The following GMIP variants were observed in gnomAD, a reference collection of about 807,000 sequenced individuals.
The protein encoded by GMIP is GEM interacting protein.
Under a neutral mutation model 105.3 loss-of-function variants are expected in GMIP, and 54 were observed. That is an observed-to-expected ratio of 0.51 (90% confidence interval 0.41 to 0.64). GMIP has a LOEUF of 0.64. Among genes scored for constraint, GMIP ranks in the 30% least tolerant of loss-of-function variants. The probability of loss-of-function intolerance (pLI) is 0.00; values close to 1 mark genes in which losing one functional copy is unlikely to be tolerated. For missense variants in GMIP, 1,110 were observed against 1,319.4 expected (o/e 0.84, Z 2.46); for synonymous variants, 541 against 560.8 (o/e 0.96, Z 0.50).
chr19:19,641,582 C>T (rs2061919587), intron 4 of GMIP, among the ~76,000 whole-genome samples: 1 of 152,186 alleles, frequency 6.6e-6, no homozygotes, highest in East Asian at 1.9e-4. Flanking sequence ...GGGATGGTGT[C>T]TTACTGTTGC....
At position 19,635,866 on chromosome 19, in the gene GMIP, G is replaced by C; in HGVS notation, c.1328-145C>G. On this transcript the variant is annotated intron_variant, in intron 13 of 20. Transcript: ENST00000203556. The surrounding 1 kb of genome is among the most constrained non-coding windows in gnomAD (Gnocchi z 4.7). Reference sequence around the variant, plus strand: ...GTCAGTGGTTAAGGGTTGGAGAATTGGGTCAGCAACCTGAGGGGGGTGGTT... The same window carrying C: ...GTCAGTGGTTAAGGGTTGGAGAATTCGGTCAGCAACCTGAGGGGGGTGGTT... The C allele has an allele frequency of 1.5e-6, 1 of 689,504 alleles. No homozygotes were observed. 42.7% of individuals were successfully genotyped at this position (689,504 alleles called of 1,614,324 possible). A position where few individuals can be genotyped will look rare whatever the true frequency, so the allele number is the denominator to read the frequency against.
rs1250390798 is a variant in GMIP at position 19,643,614 on chromosome 19, C to A, written c.-85G>T. ...GGGCCGAGCCCCGATTTCCTGCCGC[C>A]GCAGCCGCCGCCGCCGCCTCGGTTC... On this transcript the variant is annotated 5_prime_UTR_variant, in exon 1 of 21. Coordinates refer to ENST00000203556, the MANE Select transcript of GMIP (RefSeq NM_016573.4). 8.1e-6 allele frequency: 10 copies of A among 1,229,120 alleles called. No individual in the cohort carries two copies. The Admixed American group carries it at 2.3e-4, about 28-fold the overall frequency. 76.1% of individuals were successfully genotyped at this position (1,229,120 alleles called of 1,614,324 possible).
At chr19:19,632,975 T>C (rs1477729774) in intron 19 of GMIP, among the ~76,000 whole-genome samples, 1 of 152,028 alleles carries the variant, frequency 6.6e-6, no homozygotes, top group Non-Finnish European at 1.5e-5. Flanking sequence ...GTCTGCTCTC[T>C]AAGACGTGCC....
Position 19,638,236 on chromosome 19 carries a change from A to G in GMIP, c.712T>C (p.Ser238Pro). The part of the protein sequence containing the change: ...RARSQGSPED[S>P]APQASPGPSK... Reference sequence around the variant, plus strand: ...GGTCCCGGCGAGGCCTGGGGGGCCGAGTCCTCAGGGGACCCCTGGGAGCGT... The same window carrying G: ...GGTCCCGGCGAGGCCTGGGGGGCCGGGTCCTCAGGGGACCCCTGGGAGCGT... The change falls in exon 9 of 21, where the codon TCG becomes CCG. Residue 238 changes from serine (S) to proline (P), a missense_variant. By Grantham distance (74) the Ser-to-Pro change is moderately conservative (BLOSUM62 -1). This residue lies in a region of GMIP where 667 missense variants were observed against 773.2 expected (regional missense o/e 0.86). Transcript: ENST00000203556. 6.2e-7 allele frequency: 1 copy of G among 1,601,848 alleles called. No homozygotes were observed. The highest frequency in any genetic ancestry group is 8.5e-7 in the Non-Finnish European group (1 of 1,178,944).
rs927566053 is a variant in GMIP, at chr19:19,637,772, C to T, written c.927+148G>A. ...GGGACAGGACCTCATGGGGCGGAGC[C>T]GAGACAGTGGGTCTGGGGGCGGGAA... is the stretch of plus-strand genomic sequence containing the variant. On this transcript the variant is annotated intron_variant, in intron 10 of 20. Transcript: ENST00000203556. The surrounding 1 kb of genome is among the most constrained non-coding windows in gnomAD (Gnocchi z 6.7). The T allele has an allele frequency of 8.6e-6, 8 of 926,228 alleles. No individual in the cohort carries two copies. The highest frequency in any genetic ancestry group is 1.7e-5 in the African/African-American group (1 of 59,556). The allele number at this position is 926,228 out of a possible 1,614,324, so 57.4% of individuals were successfully genotyped here.
At position 19,630,143 on chromosome 19, in the gene GMIP, C is replaced by T; in HGVS notation, c.2733G>A (p.Arg911=). The T allele has an allele frequency of 6.2e-7, 1 of 1,603,798 alleles. No homozygotes were observed. Among genetic ancestry groups the T allele is most frequent in the South Asian group, 1.1e-5 (1 of 90,086 alleles). Residue 911 remains arginine (R), a synonymous_variant, in exon 21 of 21, where the codon CGG becomes CGA. Coordinates refer to ENST00000203556, the MANE Select transcript of GMIP (RefSeq NM_016573.4). This position sits in a 1 kb window ranked among gnomAD's most constrained non-coding sequence, Gnocchi z 4.8. ...TSVPRGSLRG[R]GPSPAAASPE... is the part of the protein sequence containing the mutation. ...GGGAGGCAGCTGCAGGGCTGGGCCC[C>T]CGCCCCCGCAAACTCCCTCTGGGCA...
At position 19,635,000 on chromosome 19, in the gene GMIP, G is replaced by C. The variant is rs200920765; in HGVS notation, c.1749+25C>G. 6.2e-6 allele frequency: 10 copies of C among 1,613,146 alleles called. No homozygotes were observed. The highest frequency in any genetic ancestry group is 7.6e-6 in the Non-Finnish European group (9 of 1,179,446). On this transcript the variant is annotated intron_variant, in intron 16 of 20. Transcript: ENST00000203556. This position sits in a 1 kb window ranked among gnomAD's most constrained non-coding sequence, Gnocchi z 6.1. ...ATCGATTCGGTCAGGTCACTTCTGG[G>C]GATGATGAAGGGTCAGGGCAGCACC...
At position 19,634,239 on chromosome 19, in the gene GMIP, TG is replaced by T; in HGVS notation, c.2085-50del. 6.6e-7 allele frequency: 1 copy of T among 1,518,060 alleles called. No homozygotes were observed. The highest frequency in any genetic ancestry group is 1.4e-5 in the African/African-American group (1 of 73,170). The allele number at this position is 1,518,060 out of a possible 1,614,324, so 94.0% of individuals were successfully genotyped here. ...GTCAGGGTACAGGATGCAAGCTCAT[TG>T]GTCTGAGGGTAAGGGTGGGACACGC... On this transcript the variant is annotated intron_variant, in intron 18 of 20. Coordinates refer to ENST00000203556, the MANE Select transcript of GMIP (RefSeq NM_016573.4). This position sits in a 1 kb window ranked among gnomAD's most constrained non-coding sequence, Gnocchi z 6.1.
chr19:19,637,537 G>A lies in GMIP; in HGVS notation c.952C>T (p.Arg318Trp), dbSNP rs760986360. The A allele has an allele frequency of 6.5e-7, 1 of 1,532,852 alleles. No homozygotes were observed. Among genetic ancestry groups the A allele is most frequent in the East Asian group, 2.5e-5 (1 of 40,276 alleles). 95.0% of individuals were successfully genotyped at this position (1,532,852 alleles called of 1,614,324 possible). ...GGGCCACGCTCTGCCTGCGCCCCCCGCAGCCCGAAGAGACTCAGCGTCACC... is the reference window on the plus strand; with the variant it reads ...GGGCCACGCTCTGCCTGCGCCCCCCACAGCCCGAAGAGACTCAGCGTCACC... ...RRVTLSLFGL[R>W]GAQAERGPRA... is the part of the protein sequence containing the mutation. Residue 318 changes from arginine (R) to tryptophan (W), a missense_variant, in exon 11 of 21, where the codon CGG (arginine) becomes TGG (tryptophan). By Grantham distance (101) the Arg-to-Trp change is moderately radical. Transcript: ENST00000203556. This position sits in a 1 kb window ranked among gnomAD's most constrained non-coding sequence, Gnocchi z 6.7.
Position 19,637,522 on chromosome 19 carries a change from C to T in GMIP, c.967G>A (p.Glu323Lys), listed in dbSNP as rs1400364486. ...GCGGCGAAGGCGCGGGGGCCACGCTCTGCCTGCGCCCCCCGCAGCCCGAAG... is the reference window on the plus strand; with the variant it reads ...GCGGCGAAGGCGCGGGGGCCACGCTTTGCCTGCGCCCCCCGCAGCCCGAAG... Reference protein sequence around the residue: ...SLFGLRGAQAERGPRAFAALA... With the variant: ...SLFGLRGAQAKRGPRAFAALA... The change falls in exon 11 of 21, where the codon GAG (glutamate) becomes AAG (lysine). Residue 323 changes from glutamate to lysine, a missense_variant. Around this residue, in one of 3 missense-constraint regions of GMIP, gnomAD observed 667 missense variants for 773.2 expected, o/e 0.86. Transcript: ENST00000203556. The surrounding 1 kb of genome is among the most constrained non-coding windows in gnomAD (Gnocchi z 6.7). 9.1e-6 allele frequency: 14 copies of T among 1,536,484 alleles called. No individual in the cohort carries two copies. The highest frequency in any genetic ancestry group is 1.2e-5 in the Non-Finnish European group (14 of 1,143,438).
intron 19 of GMIP, among the ~76,000 whole-genome samples, chr19:19,633,333 C>T (rs1243892345): frequency 2.0e-5 from 3 of 152,192 alleles, no homozygotes; most frequent in African/African-American, 7.2e-5. Flanking sequence ...GCTGGGATTA[C>T]AGGCGTGTGC....
At chr19:19,640,606 C>G in intron 4 of GMIP, 35 bp from the exon 5 acceptor site, 1 of 1,612,388 alleles carries the variant, frequency 6.2e-7, no homozygotes, top group South Asian at 1.1e-5. Context: ...ACCTTTGCAC[C>G]CTAGTCTGCT....
In GMIP at chr19:19,629,615, G is replaced by A. The variant is rs975465100; in HGVS notation, c.*348C>T. 2 of 250,766 alleles carry A rather than the reference G, an allele frequency of 8.0e-6. No individual in the cohort carries two copies. The highest frequency in any genetic ancestry group is 4.5e-5 in the African/African-American group (2 of 44,144). 15.5% of individuals were successfully genotyped at this position (250,766 alleles called of 1,614,324 possible). A position where few individuals can be genotyped will look rare whatever the true frequency, so the allele number is the denominator to read the frequency against. On this transcript the variant is annotated 3_prime_UTR_variant, in exon 21 of 21. Coordinates refer to ENST00000203556, the MANE Select transcript of GMIP (RefSeq NM_016573.4). ...GTGTGGGGGAGTGACCACAACCAAA[G>A]TAGCAAAAGCACCCCTGTCCCAGGT...
Position 19,637,986 on chromosome 19 carries a change from G to T in GMIP, c.861C>A (p.Ile287=). Residue 287 remains isoleucine, a synonymous_variant, in exon 10 of 21, where the codon ATC becomes ATA. Transcript: ENST00000203556. The surrounding 1 kb of genome is among the most constrained non-coding windows in gnomAD (Gnocchi z 6.7). ...CGTGCGACACGATTCGCTGCTTGGCGATCTCCAGGTCCTGCTGCCGCGCGT... is the reference window on the plus strand; with the variant it reads ...CGTGCGACACGATTCGCTGCTTGGCTATCTCCAGGTCCTGCTGCCGCGCGT... ...EANARQQDLE[I]AKQRIVSHVR... 1 of 1,611,052 alleles carries T rather than the reference G, an allele frequency of 6.2e-7. No individual in the cohort carries two copies. Among genetic ancestry groups the T allele is most frequent in the Non-Finnish European group, 8.5e-7 (1 of 1,179,276 alleles).
rs768185523 is a variant in GMIP, at chr19:19,642,099, C to T, written c.105-48G>A. The T allele has an allele frequency of 8.3e-6, 11 of 1,327,436 alleles. No individual in the cohort carries two copies. The East Asian group carries it at 2.6e-4, about 31-fold the overall frequency. 82.2% of individuals were successfully genotyped at this position (1,327,436 alleles called of 1,614,324 possible). Reference sequence around the variant, plus strand: ...GATGCCACCTTACACCCAGTCTGTCCTGCCAAGGGGTGCTGGGGACCTTAG... The same window carrying T: ...GATGCCACCTTACACCCAGTCTGTCTTGCCAAGGGGTGCTGGGGACCTTAG... On this transcript the variant is annotated intron_variant, in intron 2 of 20. Coordinates refer to ENST00000203556, the MANE Select transcript of GMIP (RefSeq NM_016573.4).
chr19:19,637,029 G>A lies in GMIP; in HGVS notation c.1125C>T (p.Ser375=). ...SFQEFLPSLN[S]SPLDIRKKLS... is the part of the protein sequence containing the mutation. ...GCTTCTTTCTGATGTCCAGAGGGGAGCTGAGAAGACAGAAGTTTGAAGGTT... is the reference window on the plus strand; with the variant it reads ...GCTTCTTTCTGATGTCCAGAGGGGAACTGAGAAGACAGAAGTTTGAAGGTT... The change falls in exon 12 of 21, where the codon AGC becomes AGT. Residue 375 remains serine, a splice_region_variant and synonymous_variant. Coordinates refer to ENST00000203556, the MANE Select transcript of GMIP (RefSeq NM_016573.4). The surrounding 1 kb of genome is among the most constrained non-coding windows in gnomAD (Gnocchi z 6.7). 2 of 1,554,492 alleles carry A rather than the reference G, an allele frequency of 1.3e-6. No individual in the cohort carries two copies. The highest frequency in any genetic ancestry group is 2.4e-5 in the East Asian group (1 of 42,214).
chr19:19,639,810 T>C (rs2061898957), intron 7 of GMIP, among the ~76,000 whole-genome samples: 1 of 152,088 alleles, frequency 6.6e-6, no homozygotes, highest in African/African-American at 2.4e-5. Context: ...GATCGCACCA[T>C]TGCACCCCAG....
chr19:19,635,320 G>C lies in GMIP; in HGVS notation c.1560+95C>G. On this transcript the variant is annotated intron_variant, in intron 15 of 20. Transcript: ENST00000203556. The surrounding 1 kb of genome is among the most constrained non-coding windows in gnomAD (Gnocchi z 4.7). ...GGGCTCATGGGAGACATCAGGTTAG[G>C]GTGGGTCCCAGGGGCAGAAAGGCTG... 1 of 1,538,232 alleles carries C rather than the reference G, an allele frequency of 6.5e-7. No homozygotes were observed. The highest frequency in any genetic ancestry group is 8.9e-7 in the Non-Finnish European group (1 of 1,123,856).
In GMIP at chr19:19,635,265, G is replaced by T; in HGVS notation, c.1561-52C>A. On this transcript the variant is annotated intron_variant, in intron 15 of 20. Coordinates refer to ENST00000203556, the MANE Select transcript of GMIP (RefSeq NM_016573.4). The surrounding 1 kb of genome is among the most constrained non-coding windows in gnomAD (Gnocchi z 4.7). ...AGGTCATTAGGGACCAGTAGGGGAAGAGAAGGTTACAAGGATCCTCAAGGA... is the reference window on the plus strand; with the variant it reads ...AGGTCATTAGGGACCAGTAGGGGAATAGAAGGTTACAAGGATCCTCAAGGA... 1 of 1,562,588 alleles carries T rather than the reference G, an allele frequency of 6.4e-7. No homozygotes were observed. The highest frequency in any genetic ancestry group is 1.1e-5 in the South Asian group (1 of 87,570).
Sources: allele counts gnomAD v4.1 joint callset (sites outside exome capture counted in the v4.1 genomes callset), GRCh38; gene constraint gnomAD v4.1.1; regional missense constraint gnomAD v4.1.1; non-coding constraint Gnocchi (gnomAD v3.1); transcripts MANE v1.5; gene names NCBI Gene and HGNC (gene_info 2026-07-23, HGNC 2026-07-21).